Variants in SYNE2 observed in about 807,000 individuals in gnomAD.
The protein encoded by SYNE2 is spectrin repeat containing nuclear envelope protein 2, also known as nesprin-2.
A neutral mutation model predicts 856.3 loss-of-function variants in SYNE2; 431 were observed. That is an observed-to-expected ratio of 0.50 (90% CI 0.47 to 0.55). The LOEUF (loss-of-function observed/expected upper bound fraction) is 0.55. Ranked by LOEUF, SYNE2 falls within the 20% of genes least tolerant of loss-of-function variation. The pLI is 0.00. For synonymous variants in SYNE2, 2,923 were observed against 2,872.3 expected, an observed-to-expected ratio of 1.02 and a Z score of -0.56; for missense variants, 8,129 against 8,023.2, an observed-to-expected ratio of 1.01 and a Z score of -0.50.
intron 16 of SYNE2, among the ~76,000 whole-genome samples, chr14:63,981,725 G>T (rs887839600): frequency 4.6e-5 from 7 of 152,248 alleles, no homozygotes; most frequent in Non-Finnish European, 1.0e-4. Context: ...ATTATCTGAG[G>T]TGGTTTTTCT....
Position 64,113,313 on chromosome 14 carries a change from C to T in SYNE2, c.12610-28C>T, listed in dbSNP as rs200298583. 6 of 1,612,812 alleles carry T rather than the reference C, an allele frequency of 3.7e-6. No homozygotes were observed. The African/African-American group carries it at 4.0e-5, about 11-fold the overall frequency. ...GGCCCAAGTCTGAAAACTTTGGACT[C>T]CCTGGCTTATCTTTGGATTTCTCTT... On this transcript the variant is annotated intron_variant, in intron 65 of 115. Coordinates refer to ENST00000555002, the MANE Select transcript of SYNE2 (RefSeq NM_182914.3).
intron 32 of SYNE2, among the ~76,000 whole-genome samples, chr14:64,015,552 GGAC>G (rs1294597092): frequency 6.6e-6 from 1 of 151,856 alleles, no homozygotes; most frequent in Non-Finnish European, 1.5e-5. Context: ...TTCATTCCTA[GGAC>G]TGTATTGCTT....
At chr14:63,966,001 AAATT>A (rs747053616) in intron 10 of SYNE2, among the ~76,000 whole-genome samples, 39 of 152,366 alleles carry the variant, frequency 2.6e-4, no homozygotes, top group Non-Finnish European at 5.1e-4. Context: ...GAATTAAAGT[AAATT>A]AATTATCCTT....
intron 2 of SYNE2, among the ~76,000 whole-genome samples, chr14:63,913,438 A>AT (rs1208094860): frequency 6.7e-6 from 1 of 148,366 alleles, no homozygotes; most frequent in African/African-American, 2.5e-5. Flanking sequence ...ATATATATGT[A>AT]TTTTTTTCTT....
rs990209263 is a variant in SYNE2, at chr14:64,159,353, G to T, written c.16005G>T (p.Glu5335Asp). ...DEAESSEGSW[E>D]KLQEVIGKLK... ...CTGAGAGCAGTGAAGGGAGTTGGGA[G>T]AAACTCCAGGAGGTTATCGGCAAAC... Residue 5335 changes from glutamate to aspartate, a missense_variant, in exon 87 of 116, where the codon GAG becomes GAT. Around this residue, in one of 3 missense-constraint regions of SYNE2, gnomAD observed 5,410 missense variants for 5,284.8 expected, o/e 1.02. Coordinates refer to ENST00000555002, the MANE Select transcript of SYNE2 (RefSeq NM_182914.3). 1 of 1,613,892 alleles carries T rather than the reference G, an allele frequency of 6.2e-7. No individual in the cohort carries two copies. Among genetic ancestry groups the T allele is most frequent in the Admixed American group, 1.7e-5 (1 of 60,000 alleles).
At chr14:63,807,428 G>A (rs1046538184) in intron 1 of SYNE2, among the ~76,000 whole-genome samples, 1 of 151,816 alleles carries the variant, frequency 6.6e-6, no homozygotes, top group Non-Finnish European at 1.5e-5. Context: ...GACAAAAACT[G>A]AATACGTTAT....
intron 90 of SYNE2, 32 bp from the exon 91 acceptor site, chr14:64,167,201 C>T: frequency 6.2e-7 from 1 of 1,613,456 alleles, no homozygotes; most frequent in Non-Finnish European, 8.5e-7. Flanking sequence ...TATTGGCATC[C>T]AAAAACCTGT....
chr14:63,844,444 C>T (rs1890167702), intron 1 of SYNE2, among the ~76,000 whole-genome samples: 2 of 152,098 alleles, frequency 1.3e-5, no homozygotes, highest in Admixed American at 1.3e-4. Context: ...TGGTTGCTAC[C>T]AAGTTTTGGC....
chr14:64,199,303 T>G (rs2098551974), intron 99 of SYNE2, among the ~76,000 whole-genome samples: 1 of 152,144 alleles, frequency 6.6e-6, no homozygotes, highest in Non-Finnish European at 1.5e-5. Context: ...GAACAGCAGC[T>G]CCAGACCAGA....
chr14:63,992,712 A>G (rs2096677726), intron 21 of SYNE2, among the ~76,000 whole-genome samples: 1 of 152,192 alleles, frequency 6.6e-6, no homozygotes, highest in Admixed American at 6.5e-5. Flanking sequence ...CTCTCACAAC[A>G]GAAGCAAGAT....
chr14:64,020,873 A>G (rs2096931119), intron 35 of SYNE2, among the ~76,000 whole-genome samples: 1 of 152,070 alleles, frequency 6.6e-6, no homozygotes, highest in Non-Finnish European at 1.5e-5. Context: ...CTAGCTTTAT[A>G]ATCTTGGACA....
intron 99 of SYNE2, among the ~76,000 whole-genome samples, chr14:64,194,687 A>G (rs748933084): frequency 1.3e-5 from 2 of 152,240 alleles, no homozygotes; most frequent in Non-Finnish European, 2.9e-5. Context: ...TGTCCTTCAG[A>G]ACTGCCAATA....
intron 96 of SYNE2, among the ~76,000 whole-genome samples, chr14:64,179,659 A>AT (rs1318022587): frequency 6.6e-6 from 1 of 151,680 alleles, no homozygotes; most frequent in Non-Finnish European, 1.5e-5. Flanking sequence ...TCAGTTGCAC[A>AT]TTTTTTTCAT....
chr14:63,960,727 A>G (rs772431441), intron 8 of SYNE2: 5 of 762,782 alleles, frequency 6.6e-6, no homozygotes, highest in East Asian at 4.9e-5. Flanking sequence ...GATCTCCTTC[A>G]CTTATTAGAT....
chr14:63,787,453 C>A (rs2139756560), intron 1 of SYNE2, among the ~76,000 whole-genome samples: 1 of 152,274 alleles, frequency 6.6e-6, no homozygotes, highest in South Asian at 2.1e-4. Flanking sequence ...CTCTTTTGGC[C>A]AGAAACCTCT....
chr14:64,129,967 C>T (rs1195751277), intron 75 of SYNE2, 66 bp downstream of exon 75: 1 of 1,613,616 alleles, frequency 6.2e-7, no homozygotes, highest in Non-Finnish European at 8.5e-7. Flanking sequence ...TTTTCTTCCA[C>T]CAGCAGAGTT....
At chr14:64,074,865 A>G (rs1181949869) in intron 53 of SYNE2, among the ~76,000 whole-genome samples, 2 of 134,738 alleles carry the variant, frequency 1.5e-5, no homozygotes, top group African/African-American at 5.1e-5. Flanking sequence ...GCTGCAATCC[A>G]GCCTGGCTCC....
At chr14:63,971,964 A>G (rs1257153985) in intron 11 of SYNE2, among the ~76,000 whole-genome samples, 4 of 152,246 alleles carry the variant, frequency 2.6e-5, no homozygotes, top group Admixed American at 1.3e-4. Context: ...GGCTCTTCAC[A>G]GGAAAAGTTT....
rs1421967467 is a variant in SYNE2, at chr14:63,804,996, G to A, written c.-305+43010G>A. On this transcript the variant is annotated intron_variant, in intron 1 of 23. Coordinates refer to the SYNE2 transcript ENST00000674003. ...ATCCCTGCACCATTTATTGAATAAG[G>A]AGTCCTTTTCCTGTTGCTTGTTCTT... Among the ~76,000 whole-genome samples, 4 of 152,270 alleles carry A rather than the reference G, an allele frequency of 2.6e-5. No individual in the cohort carries two copies. The East Asian group carries it at 5.8e-4, about 22-fold the overall frequency.
Sources: allele counts gnomAD v4.1 joint callset (sites outside exome capture counted in the v4.1 genomes callset), GRCh38; gene constraint gnomAD v4.1.1; regional missense constraint gnomAD v4.1.1; transcripts MANE v1.5; gene names NCBI Gene and HGNC (gene_info 2026-07-23, HGNC 2026-07-21).